SPEF2: variants seen among roughly 807,000 people sequenced by gnomAD.
The protein encoded by SPEF2 is sperm flagellar and cilia associated 2.
In SPEF2, 187 loss-of-function variants were observed where a neutral mutation model predicts 224.6. The observed-to-expected ratio is 0.83, with a 90% CI of 0.74 to 0.94. The LOEUF (loss-of-function observed/expected upper bound fraction) is 0.94. Ranked by LOEUF, SPEF2 falls within the 40% of genes least tolerant of loss-of-function variation. The probability of loss-of-function intolerance (pLI) is 0.00; values close to 1 mark genes in which losing one functional copy is unlikely to be tolerated. For missense variants in SPEF2, 2,170 were observed against 2,135.6 expected, an observed-to-expected ratio of 1.02 and a Z score of -0.32; for synonymous variants, 715 against 707.3, an observed-to-expected ratio of 1.01 and a Z score of -0.17.
chr5:35,661,196 C>T (rs2149453467), intron 8 of SPEF2, among the ~76,000 whole-genome samples: 1 of 145,190 alleles, frequency 6.9e-6, no homozygotes, highest in East Asian at 2.0e-4. Context: ...TTATTCCCTA[C>T]AGCATTATCA....
intron 3 of SPEF2, chr5:35,643,640 A>G (rs1332960275): frequency 2.3e-6 from 1 of 433,758 alleles, no homozygotes; most frequent in African/African-American, 2.0e-5. Flanking sequence ...GGAAGAGGTG[A>G]TATCATAGGA....
At chr5:35,641,780 C>CATACATAAAGG in intron 3 of SPEF2, 97 bp downstream of exon 3, 1 of 1,281,550 alleles carries the variant, frequency 7.8e-7, no homozygotes, top group Non-Finnish European at 1.1e-6. Flanking sequence ...CCTCATTAGG[C>CATACATAAAGG]ATATATATCC....
At position 35,784,804 on chromosome 5, in the gene SPEF2, C is replaced by T. The variant is rs544107987; in HGVS notation, c.4447+5458C>T. 2.0e-5 allele frequency among the ~76,000 whole-genome samples: 3 copies of T among 151,984 alleles called. No homozygotes were observed. In the South Asian group the frequency reaches 6.3e-4, roughly 32 times the overall value. On this transcript the variant is annotated intron_variant, in intron 30 of 36. Transcript: ENST00000356031. ...ACATGCAGGAGAGGATTTTCAAAGGCATTTAGAGCCAAGTGTCATGGAGAA... is the reference window on the plus strand; with the variant it reads ...ACATGCAGGAGAGGATTTTCAAAGGTATTTAGAGCCAAGTGTCATGGAGAA...
chr5:35,664,277 A>C (rs865835988), intron 8 of SPEF2, among the ~76,000 whole-genome samples: 3 of 130,972 alleles, frequency 2.3e-5, no homozygotes, highest in Non-Finnish European at 4.8e-5. Flanking sequence ...CATGAAATAA[A>C]GAAAAAAAAA....
At chr5:35,674,372 C>CT (rs1469111459) in intron 10 of SPEF2, among the ~76,000 whole-genome samples, 95 of 76,200 alleles carry the variant, frequency 1.2e-3, no homozygotes, top group African/African-American at 4.1e-3. Flanking sequence ...TTTCCAAATT[C>CT]TTTTTATTAT....
At chr5:35,712,917 T>A (rs758567952) in intron 20 of SPEF2, 31 bp downstream of exon 20, 16 of 1,578,328 alleles carry the variant, frequency 1.0e-5, no homozygotes, top group Non-Finnish European at 1.4e-5. Flanking sequence ...TATAATTACA[T>A]GTAATTCTGC....
At chr5:35,677,988 G>A (rs558913915) in intron 10 of SPEF2, among the ~76,000 whole-genome samples, 1 of 152,342 alleles carries the variant, frequency 6.6e-6, no homozygotes, top group Non-Finnish European at 1.5e-5. Flanking sequence ...ATTGCATTGT[G>A]AGGTGCCAGG....
At chr5:35,690,329 A>C (rs1754263906) in intron 10 of SPEF2, among the ~76,000 whole-genome samples, 1 of 152,218 alleles carries the variant, frequency 6.6e-6, no homozygotes, top group Non-Finnish European at 1.5e-5. Context: ...ATTTTAGGCT[A>C]AGGGGCATTT....
intron 25 of SPEF2, 152 bp from the exon 26 acceptor site, chr5:35,763,370 A>T: frequency 2.7e-6 from 2 of 749,930 alleles, no homozygotes; most frequent in Non-Finnish European, 4.0e-6. Flanking sequence ...GCAGTGTTTT[A>T]TAATCTTTTC....
At chr5:35,789,030 C>T (rs1178411767) in intron 30 of SPEF2, 1 of 687,048 alleles carries the variant, frequency 1.5e-6, no homozygotes, top group South Asian at 1.5e-5. Flanking sequence ...CAACTGCACT[C>T]AGTAAGTAAT....
At chr5:35,749,764 A>G (rs1749115378) in intron 23 of SPEF2, among the ~76,000 whole-genome samples, 1 of 152,200 alleles carries the variant, frequency 6.6e-6, no homozygotes, top group Non-Finnish European at 1.5e-5. Flanking sequence ...ATATTGTGAA[A>G]ATGATCATAC....
chr5:35,782,590 A>C (rs1023886612), intron 30 of SPEF2, among the ~76,000 whole-genome samples: 20 of 152,118 alleles, frequency 1.3e-4, no homozygotes, highest in African/African-American at 4.8e-4. Flanking sequence ...CATGCCACAC[A>C]AATACAAGTA....
chr5:35,743,452 G>A (rs778247844), intron 23 of SPEF2, among the ~76,000 whole-genome samples: 12 of 152,024 alleles, frequency 7.9e-5, no homozygotes, highest in Non-Finnish European at 1.5e-4. Flanking sequence ...ATTTCTACTT[G>A]GAAGGTTCAG....
intron 25 of SPEF2, among the ~76,000 whole-genome samples, chr5:35,760,486 A>T (rs1751113148): frequency 6.6e-6 from 1 of 152,212 alleles, no homozygotes; most frequent in East Asian, 1.9e-4. Context: ...TCTTTTACTG[A>T]TAAAGACATT....
intron 33 of SPEF2, among the ~76,000 whole-genome samples, chr5:35,796,184 C>A (rs1182490929): frequency 6.6e-6 from 1 of 152,214 alleles, no homozygotes; most frequent in Non-Finnish European, 1.5e-5. Context: ...TTGACTAATA[C>A]AGCAAGGGTT....
intron 30 of SPEF2, among the ~76,000 whole-genome samples, chr5:35,784,406 G>A (rs1754805041): frequency 6.6e-6 from 1 of 152,154 alleles, no homozygotes; most frequent in Non-Finnish European, 1.5e-5. Flanking sequence ...GGGATTACAG[G>A]CATGAGCCAC....
chr5:35,779,248 C>T lies in SPEF2; in HGVS notation c.4349C>T (p.Ser1450Leu). ...AAAGTCTTCCCAGATCCTCCCCCAT[C>T]AATACGTCCTCCACCTGTAGAAAAG... Reference protein sequence around the residue: ...NIKVFPDPPPSIRPPPVEKEE... With the variant: ...NIKVFPDPPPLIRPPPVEKEE... Residue 1450 changes from serine to leucine, a missense_variant, in exon 30 of 37, where the codon TCA becomes TTA. Ser to Leu is a moderately radical substitution (Grantham distance 145). Transcript: ENST00000356031. 2 of 1,613,946 alleles carry T rather than the reference C, an allele frequency of 1.2e-6. No homozygotes were observed. The highest frequency in any genetic ancestry group is 1.7e-6 in the Non-Finnish European group (2 of 1,179,886).
intron 8 of SPEF2, among the ~76,000 whole-genome samples, chr5:35,666,273 G>A (rs547887431): frequency 2.6e-4 from 39 of 152,110 alleles, no homozygotes; most frequent in African/African-American, 8.0e-4. Context: ...AGAAGCTGGC[G>A]TAGCTATCTG....
At chr5:35,733,271 C>T (rs7734130) in intron 21 of SPEF2, among the ~76,000 whole-genome samples, 6,104 of 152,118 alleles carry the variant, frequency 0.04, 336 homozygotes, top group African/African-American at 0.12. Flanking sequence ...CCCGCCACCA[C>T]GCCCGACTAG....
Sources: gnomAD v4.1 joint callset for allele counts (sites outside exome capture counted in the v4.1 genomes callset) on GRCh38, gnomAD v4.1.1 for gene constraint, MANE v1.5 for transcripts, NCBI Gene and HGNC (gene_info 2026-07-23, HGNC 2026-07-21) for gene names.